The following PHACTR2 variants were observed in gnomAD, a reference collection of about 807,000 sequenced individuals.
The protein encoded by PHACTR2 is phosphatase and actin regulator 2, also known as chromosome 6 open reading frame 56.
PHACTR2 carries 30 observed loss-of-function variants against 76.0 expected under a neutral mutation model. The ratio of observed to expected loss-of-function variants is 0.39; its 90% confidence interval spans 0.30 to 0.54. PHACTR2 has a LOEUF of 0.54. Ranked by LOEUF, PHACTR2 falls within the 20% of genes least tolerant of loss-of-function variation. PHACTR2 has a pLI of 0.61. For synonymous variants in PHACTR2, 292 were observed against 292.5 expected, an observed-to-expected ratio of 1.00 and a Z score of 0.02; for missense variants, 696 against 781.1, an observed-to-expected ratio of 0.89 and a Z score of 1.30.
In PHACTR2 at chr6:143,793,208, A is replaced by G. The variant is rs1425621860; in HGVS notation, c.1845+4298A>G. On this transcript the variant is annotated intron_variant, in intron 11 of 12. Transcript: ENST00000440869. The surrounding 1 kb of genome is among the most constrained non-coding windows in gnomAD (Gnocchi z 4.4). ...CAAACCCTAGAAACAGTTCCTTTTG[A>G]CTCTTGTTCTTTTGTTGGAAGGTAA... Among the ~76,000 whole-genome samples the G allele has an allele frequency of 6.6e-6, 1 of 151,662 alleles. No individual in the cohort carries two copies. The highest frequency in any genetic ancestry group is 1.5e-5 in the Non-Finnish European group (1 of 67,912).
chr6:143,760,399 A>G lies in PHACTR2; in HGVS notation c.455-2A>G, dbSNP rs892862353. 3 of 1,606,790 alleles carry G rather than the reference A, an allele frequency of 1.9e-6. No individual in the cohort carries two copies. The African/African-American group carries it at 4.0e-5, about 22-fold the overall frequency. Reference sequence around the variant, plus strand: ...TGCTTCTGTTCACTTTCTCGTTTATAGAGAACACTGAAAACCACTCTGAAA... The same window carrying G: ...TGCTTCTGTTCACTTTCTCGTTTATGGAGAACACTGAAAACCACTCTGAAA... On this transcript the variant is annotated splice_acceptor_variant, in intron 4 of 12. Coordinates refer to ENST00000440869, the MANE Select transcript of PHACTR2 (RefSeq NM_001100164.2). LOFTEE classifies it high-confidence loss of function. The surrounding 1 kb of genome is among the most constrained non-coding windows in gnomAD (Gnocchi z 6.4).
At chr6:143,569,111 A>G (rs1054785848) in intron 1 of PHACTR2, among the ~76,000 whole-genome samples, 8 of 152,194 alleles carry the variant, frequency 5.3e-5, no homozygotes, top group African/African-American at 1.9e-4. Context: ...ACCCGTGACC[A>G]TGAGAAAGTG....
At chr6:143,579,841 G>A (rs1775553663) in intron 1 of PHACTR2, among the ~76,000 whole-genome samples, 1 of 152,174 alleles carries the variant, frequency 6.6e-6, no homozygotes, top group Non-Finnish European at 1.5e-5. Flanking sequence ...ATTTAGCTGG[G>A]CCCTCTGGCT....
At position 143,570,609 on chromosome 6, in the gene PHACTR2, C is replaced by T. The variant is rs1360992654; in HGVS notation, c.217+33402C>T. 6.6e-6 allele frequency among the ~76,000 whole-genome samples: 1 copy of T among 152,136 alleles called. No individual in the cohort carries two copies. The highest frequency in any genetic ancestry group is 2.4e-5 in the African/African-American group (1 of 41,428). ...GACTGGCAACTCACCCCAGGTGTGG[C>T]AGGCCCCTCCCCACTCTCCTGGGGC... On this transcript the variant is annotated intron_variant, in intron 1 of 11. Transcript: ENST00000367584. This position sits in a 1 kb window ranked among gnomAD's most constrained non-coding sequence, Gnocchi z 4.6.
At chr6:143,812,637 T>C (rs1776203574) in intron 12 of PHACTR2, among the ~76,000 whole-genome samples, 1 of 152,220 alleles carries the variant, frequency 6.6e-6, no homozygotes, top group Non-Finnish European at 1.5e-5. Context: ...TAGGGACAAA[T>C]GGTCCCCACA....
Position 143,831,158 on chromosome 6 carries a change from T to G in PHACTR2, c.*7469T>G, listed in dbSNP as rs1306378229. 6.6e-6 allele frequency: 1 copy of G among 152,236 alleles called. No individual in the cohort carries two copies. Among genetic ancestry groups the G allele is most frequent in the African/African-American group, 2.4e-5 (1 of 41,458 alleles). The allele number at this position is 152,236 out of a possible 1,614,324, so 9.4% of individuals were successfully genotyped here. ...AAGATAGTCCATTTAGAGTTTATAA[T>G]ATAGAAAATAAACAGACTTCCTCAT... On this transcript the variant is annotated 3_prime_UTR_variant, in exon 13 of 13. Coordinates refer to ENST00000440869, the MANE Select transcript of PHACTR2 (RefSeq NM_001100164.2). The surrounding 1 kb of genome is among the most constrained non-coding windows in gnomAD (Gnocchi z 5.2).
rs534163457 is a variant in PHACTR2, at chr6:143,716,377, G to C, written c.214+4194G>C. 2.6e-5 allele frequency among the ~76,000 whole-genome samples: 4 copies of C among 152,272 alleles called. No individual in the cohort carries two copies. In the East Asian group the frequency reaches 7.7e-4, roughly 29 times the overall value. On this transcript the variant is annotated intron_variant, in intron 2 of 12. Coordinates refer to ENST00000440869, the MANE Select transcript of PHACTR2 (RefSeq NM_001100164.2). ...CAGGGCCTTGGTCACCCAGGCTGGT[G>C]TGCAGTGGTGCTATCACAGCTCACT...
Position 143,743,212 on chromosome 6 carries a change from G to A in PHACTR2, c.215-5773G>A, listed in dbSNP as rs1778982902. On this transcript the variant is annotated intron_variant, in intron 2 of 12. Transcript: ENST00000440869. The surrounding 1 kb of genome is among the most constrained non-coding windows in gnomAD (Gnocchi z 5.0). ...AAACAGTCTAAATTCTAGGAAGAAG[G>A]AACAATACATGAAGGAATGGAGCTG... is the stretch of plus-strand genomic sequence containing the variant. Among the ~76,000 whole-genome samples, 1 of 152,196 alleles carries A rather than the reference G, an allele frequency of 6.6e-6. No homozygotes were observed. Among genetic ancestry groups the A allele is most frequent in the Non-Finnish European group, 1.5e-5 (1 of 68,036 alleles).
rs901876005 is a variant in PHACTR2 at position 143,561,716 on chromosome 6, G to C, written c.217+24509G>C. Among the ~76,000 whole-genome samples, 1 of 152,176 alleles carries C rather than the reference G, an allele frequency of 6.6e-6. No individual in the cohort carries two copies. The highest frequency in any genetic ancestry group is 1.5e-5 in the Non-Finnish European group (1 of 68,024). ...GAAAGACGTTTGAGGGGAGTGGAAG[G>C]ACAGGAATGGAGACTCCCAAACTCA... On this transcript the variant is annotated intron_variant, in intron 1 of 11. Transcript: ENST00000367584. The surrounding 1 kb of genome is among the most constrained non-coding windows in gnomAD (Gnocchi z 4.1).
chr6:143,771,194 G>GTATATATATA (rs769993035), intron 6 of PHACTR2, among the ~76,000 whole-genome samples: 7 of 40,452 alleles, frequency 1.7e-4, no homozygotes, highest in Non-Finnish European at 2.8e-4. Flanking sequence ...ATATATGTGT[G>GTATATATATA]TATATATATA....
chr6:143,721,643 GTGTGTGTGTGTGTC>G (rs1213440037), intron 2 of PHACTR2, among the ~76,000 whole-genome samples: 1 of 151,908 alleles, frequency 6.6e-6, no homozygotes, highest in African/African-American at 2.4e-5. Context: ...TCTGATGTGT[GTGTGTGTGTGTGTC>G]TGTGTGTGTG....
chr6:143,667,146 A>T (rs1407259449), intron 1 of PHACTR2, among the ~76,000 whole-genome samples: 1 of 152,124 alleles, frequency 6.6e-6, no homozygotes, highest in Non-Finnish European at 1.5e-5. Flanking sequence ...TCCTTTCTCC[A>T]TTGCTTGTTT....
intron 1 of PHACTR2, among the ~76,000 whole-genome samples, chr6:143,661,065 C>G (rs935044939): frequency 1.3e-5 from 2 of 152,118 alleles, no homozygotes; most frequent in Non-Finnish European, 2.9e-5. Flanking sequence ...CTAGCTATTT[C>G]TATACTGACA....
At position 143,783,084 on chromosome 6, in the gene PHACTR2, A is replaced by G; in HGVS notation, c.1646-135A>G. Reference sequence around the variant, plus strand: ...ATCAACCTTCCTACAAAATATTTTGACAACTTTTTAACAATGTTGGTTGTG... The same window carrying G: ...ATCAACCTTCCTACAAAATATTTTGGCAACTTTTTAACAATGTTGGTTGTG... On this transcript the variant is annotated intron_variant, in intron 9 of 12. Transcript: ENST00000440869. This position sits in a 1 kb window ranked among gnomAD's most constrained non-coding sequence, Gnocchi z 5.2. 1.7e-6 allele frequency: 1 copy of G among 592,634 alleles called. No homozygotes were observed. Among genetic ancestry groups the G allele is most frequent in the East Asian group, 3.0e-5 (1 of 33,734 alleles). The allele number at this position is 592,634 out of a possible 1,614,324, so 36.7% of individuals were successfully genotyped here. A position where few individuals can be genotyped will look rare whatever the true frequency, so the allele number is the denominator to read the frequency against.
At position 143,722,382 on chromosome 6, in the gene PHACTR2, G is replaced by T. The variant is rs555890629; in HGVS notation, c.214+10199G>T. ...ATATCTGGTTTTATACCATTTTGTG[G>T]GTGTTTTCTTCTCTCTTGAATTCAA... On this transcript the variant is annotated intron_variant, in intron 2 of 12. Transcript: ENST00000440869. The surrounding 1 kb of genome is among the most constrained non-coding windows in gnomAD (Gnocchi z 4.1). Among the ~76,000 whole-genome samples the T allele has an allele frequency of 1.7e-4, 26 of 151,534 alleles. No individual in the cohort carries two copies. The highest frequency in any genetic ancestry group is 2.9e-4 in the African/African-American group (12 of 41,322).
intron 12 of PHACTR2, among the ~76,000 whole-genome samples, chr6:143,814,049 A>T (rs897751258): frequency 6.6e-6 from 1 of 152,174 alleles, no homozygotes; most frequent in Non-Finnish European, 1.5e-5. Flanking sequence ...CAGGAAAGAA[A>T]ATGTTACTTT....
At position 143,639,921 on chromosome 6, in the gene PHACTR2, G is replaced by A. The variant is rs1005063862; in HGVS notation, c.13+31599G>A. ...GTGTTCTGGTTCCTAGCCTCCAGAA[G>A]CTGGAGGAAGCAAGGAATAACAACT... is the stretch of plus-strand genomic sequence containing the variant. On this transcript the variant is annotated intron_variant, in intron 1 of 11. Transcript: ENST00000305766. This position sits in a 1 kb window ranked among gnomAD's most constrained non-coding sequence, Gnocchi z 5.0. 6.6e-6 allele frequency among the ~76,000 whole-genome samples: 1 copy of A among 152,204 alleles called. No individual in the cohort carries two copies. Among genetic ancestry groups the A allele is most frequent in the African/African-American group, 2.4e-5 (1 of 41,452 alleles).
intron 1 of PHACTR2, among the ~76,000 whole-genome samples, chr6:143,631,059 C>G (rs1439724672): frequency 1.3e-5 from 2 of 152,228 alleles, no homozygotes; most frequent in Non-Finnish European, 2.9e-5. Flanking sequence ...GAATTAAATA[C>G]TTAACACAAA....
At position 143,722,297 on chromosome 6, in the gene PHACTR2, G is replaced by A. The variant is rs749319661; in HGVS notation, c.214+10114G>A. Among the ~76,000 whole-genome samples, 4 of 151,868 alleles carry A rather than the reference G, an allele frequency of 2.6e-5. No homozygotes were observed. The highest frequency in any genetic ancestry group is 2.1e-4 in the South Asian group (1 of 4,810). On this transcript the variant is annotated intron_variant, in intron 2 of 12. Coordinates refer to ENST00000440869, the MANE Select transcript of PHACTR2 (RefSeq NM_001100164.2). The surrounding 1 kb of genome is among the most constrained non-coding windows in gnomAD (Gnocchi z 4.1). ...ACATTTCTTGGATGCTAGTTTCTCC[G>A]AAAGCACTAGAAGTCTCTGGCATTG...
Sources: allele counts gnomAD v4.1 joint callset (sites outside exome capture counted in the v4.1 genomes callset), GRCh38; gene constraint gnomAD v4.1.1; non-coding constraint Gnocchi (gnomAD v3.1); transcripts MANE v1.5; gene names NCBI Gene and HGNC (gene_info 2026-07-23, HGNC 2026-07-21).